USP2: variants seen among roughly 807,000 people sequenced by gnomAD.
USP2 encodes ubiquitin carboxyl-terminal hydrolase 2.
A neutral mutation model predicts 72.0 loss-of-function variants in USP2; 33 were observed. The ratio of observed to expected loss-of-function variants is 0.46; its 90% CI spans 0.35 to 0.61. The LOEUF (loss-of-function observed/expected upper bound fraction) is 0.61, where lower values mean the gene tolerates loss of function less well. Ranked by LOEUF, USP2 falls within the 20% of genes least tolerant of loss-of-function variation. USP2 has a pLI of 0.01. For synonymous variants in USP2, 296 were observed against 312.5 expected (o/e 0.95, Z 0.56); for missense variants, 691 against 797.8 (o/e 0.87, Z 1.61).
intron 2 of USP2, chr11:119,364,206 AC>A (rs992439830): frequency 1.7e-6 from 2 of 1,144,530 alleles, no homozygotes; most frequent in Non-Finnish European, 2.1e-6. Context: ...GCTCCGGCCG[AC>A]TGGCGGCCCC....
chr11:119,363,669 A>G (rs1037221244), intron 2 of USP2, among the ~76,000 whole-genome samples: 3 of 150,866 alleles, frequency 2.0e-5, no homozygotes, highest in Non-Finnish European at 1.5e-5. Context: ...GGAGGGGACC[A>G]CGAGTAAGCG....
chr11:119,363,382 C>A lies in USP2; in HGVS notation c.775-3148G>T, dbSNP rs984217709. 4.6e-5 allele frequency among the ~76,000 whole-genome samples: 7 copies of A among 152,314 alleles called. No individual in the cohort carries two copies. The South Asian group carries it at 1.2e-3, about 27-fold the overall frequency. On this transcript the variant is annotated intron_variant, in intron 2 of 12. Coordinates refer to ENST00000260187, the MANE Select transcript of USP2 (RefSeq NM_004205.5). ...GTCTGCCCTTCACAGGGTCAAAGGA[C>A]CCCCGTCACCAACCCTTGGGAAAGA...
chr11:119,358,035 C>T lies in USP2; in HGVS notation c.1368G>A (p.Met456Ile). 2.5e-6 allele frequency: 4 copies of T among 1,614,162 alleles called. No individual in the cohort carries two copies. Among genetic ancestry groups the T allele is most frequent in the South Asian group, 1.1e-5 (1 of 91,086 alleles). The change falls in exon 9 of 13, where the codon ATG becomes ATA. Residue 456 changes from methionine (M) to isoleucine (I), a missense_variant. By Grantham distance (10) the Met-to-Ile change is conservative (BLOSUM62 1). Transcript: ENST00000260187. The part of the protein sequence containing the change: ...AKRGYPEVTL[M>I]DCMRLFTKED... Reference sequence around the variant, plus strand: ...CTTTGGTGAAGAGCCTCATGCAGTCCATTAATGTCACCTCAGGATAACCTC... The same window carrying T: ...CTTTGGTGAAGAGCCTCATGCAGTCTATTAATGTCACCTCAGGATAACCTC...
At chr11:119,363,953 CGG>C in intron 2 of USP2, 4 of 77,422 alleles carry the variant, frequency 5.2e-5, no homozygotes, top group Non-Finnish European at 8.0e-5. Context: ...AAGGGGGCGG[CGG>C]GGGGGTCCTC....
intron 2 of USP2, chr11:119,364,266 C>A (rs1310515005): frequency 4.5e-6 from 4 of 889,956 alleles, no homozygotes; most frequent in East Asian, 1.8e-4. Context: ...GGGCCAGGCC[C>A]TAAGCCCCGC....
chr11:119,359,197 C>G (rs1366889528), intron 5 of USP2, 34 bp downstream of exon 5: 1 of 1,611,864 alleles, frequency 6.2e-7, no homozygotes, highest in African/African-American at 1.3e-5. Context: ...CCTACTGCCA[C>G]CCACCTGAGA....
rs1380497977 is a variant in USP2 at position 119,359,645 on chromosome 11, T to C, written c.841A>G (p.Ile281Val). 1.2e-6 allele frequency: 2 copies of C among 1,613,638 alleles called. No homozygotes were observed. The highest frequency in any genetic ancestry group is 1.7e-6 in the Non-Finnish European group (2 of 1,180,022). ...CGAGTGTTGCTCAGGCACTGCAGAA[T>C]TGAGTTCATGAAGCACTGCAAGAGA... ...NLGNTCFMNS[I>V]LQCLSNTREL... Residue 281 changes from isoleucine to valine, a missense_variant, in exon 4 of 13, where the codon ATT becomes GTT. Physicochemically the swap from Ile to Val is conservative, Grantham distance 29. Transcript: ENST00000260187.
chr11:119,369,589 C>T (rs999527117), intron 2 of USP2, among the ~76,000 whole-genome samples: 2 of 152,144 alleles, frequency 1.3e-5, no homozygotes, highest in Non-Finnish European at 2.9e-5. Flanking sequence ...GATCTCTTTT[C>T]CCCCCTTAAG....
At chr11:119,363,517 ACCGATCGAGAC>A (rs1373789302) in intron 2 of USP2, among the ~76,000 whole-genome samples, 2 of 151,968 alleles carry the variant, frequency 1.3e-5, no homozygotes, top group Admixed American at 6.5e-5. Context: ...GCCCTCGCAC[ACCGATCGAGAC>A]CCAGTCAAGG....
chr11:119,359,208 G>C, intron 5 of USP2, 23 bp downstream of exon 5: 2 of 1,612,164 alleles, frequency 1.2e-6, no homozygotes, highest in Non-Finnish European at 1.7e-6. Flanking sequence ...CCACCTGAGA[G>C]GACATGTCTG....
At chr11:119,362,924 A>T (rs965435243) in intron 2 of USP2, among the ~76,000 whole-genome samples, 18 of 152,310 alleles carry the variant, frequency 1.2e-4, no homozygotes, top group African/African-American at 3.4e-4. Flanking sequence ...CAGCAAATAG[A>T]CAGCTTTCAC....
intron 2 of USP2, among the ~76,000 whole-genome samples, chr11:119,364,494 C>T (rs769080504): frequency 2.2e-4 from 33 of 152,190 alleles, no homozygotes; most frequent in Non-Finnish European, 2.6e-4. Flanking sequence ...CTTTGGGGCC[C>T]GCAGAGGACG....
intron 2 of USP2, among the ~76,000 whole-genome samples, chr11:119,368,916 G>C (rs551440761): frequency 6.6e-6 from 1 of 152,356 alleles, no homozygotes; most frequent in Admixed American, 6.5e-5. Context: ...GTGGAGCTGA[G>C]GGGGATTAGG....
chr11:119,379,363 A>T, intron 1 of USP2: 1 of 567,718 alleles, frequency 1.8e-6, no homozygotes, highest in Non-Finnish European at 2.2e-6. Flanking sequence ...TGAAAAGAGC[A>T]CAGAGGGGTG....
At chr11:119,364,193 C>A (rs967915758) in intron 2 of USP2, 54 of 1,165,604 alleles carry the variant, frequency 4.6e-5, no homozygotes, top group African/African-American at 2.3e-4. Context: ...TCCCGGCTCT[C>A]GCGCTCCGGC....
intron 2 of USP2, among the ~76,000 whole-genome samples, chr11:119,366,113 A>C (rs1329749166): frequency 6.6e-6 from 1 of 151,994 alleles, no homozygotes; most frequent in East Asian, 1.9e-4. Context: ...CGAGCTGGTC[A>C]TGAACTCCTG....
At chr11:119,374,974 T>C (rs1026803164) in intron 1 of USP2, among the ~76,000 whole-genome samples, 7 of 152,170 alleles carry the variant, frequency 4.6e-5, no homozygotes, top group Non-Finnish European at 1.0e-4. Context: ...GGCTCCACAA[T>C]GACAGTGGCT....
In USP2 at chr11:119,359,676, A is replaced by G. The variant is rs773562129; in HGVS notation, c.826-16T>C. 18 of 1,612,356 alleles carry G rather than the reference A, an allele frequency of 1.1e-5. No individual in the cohort carries two copies. Among genetic ancestry groups the G allele is most frequent in the Middle Eastern group, 3.3e-4 (2 of 6,062 alleles). ...TCATGAAGCACTGCAAGAGATGACC[A>G]GGCAATCAGTGGGGAGACGAGAGTC... On this transcript the variant is annotated splice_polypyrimidine_tract_variant and intron_variant, in intron 3 of 12. Coordinates refer to ENST00000260187, the MANE Select transcript of USP2 (RefSeq NM_004205.5).
In USP2 at chr11:119,375,810, G is replaced by A. The variant is rs191370123; in HGVS notation, c.-41-2289C>T. 5.8e-4 allele frequency among the ~76,000 whole-genome samples: 88 copies of A among 152,282 alleles called. 1 individual carries two copies. The highest frequency in any genetic ancestry group is 7.1e-4 in the Non-Finnish European group (48 of 68,026). ...ATTCTTCGGGCAGCGCCCCAAGCCCGTGACATCCCTTGACCCTGCTGATGA... is the reference window on the plus strand; with the variant it reads ...ATTCTTCGGGCAGCGCCCCAAGCCCATGACATCCCTTGACCCTGCTGATGA... On this transcript the variant is annotated intron_variant, in intron 1 of 12. Coordinates refer to ENST00000260187, the MANE Select transcript of USP2 (RefSeq NM_004205.5).
Sources: allele counts gnomAD v4.1 joint callset (sites outside exome capture counted in the v4.1 genomes callset), GRCh38; gene constraint gnomAD v4.1.1; transcripts MANE v1.5; gene names NCBI Gene and HGNC (gene_info 2026-07-23, HGNC 2026-07-21).